ETFDH: variants seen among roughly 807,000 people sequenced by gnomAD.
ETFDH encodes electron transfer flavoprotein dehydrogenase, also known as electron transfer flavoprotein-ubiquinone oxidoreductase, mitochondrial.
In ETFDH, 61 loss-of-function variants were observed where a neutral mutation model predicts 73.2. The observed-to-expected ratio is 0.83, with a 90% CI of 0.68 to 1.03. ETFDH has a LOEUF of 1.03. Ranked by LOEUF, ETFDH falls within the 50% of genes least tolerant of loss-of-function variation. The pLI, the probability that ETFDH is intolerant of heterozygous loss-of-function variation, is 0.00. For synonymous variants in ETFDH, 243 were observed against 253.3 expected (o/e 0.96, Z 0.39); for missense variants, 685 against 745.0 (o/e 0.92, Z 0.94).
chr4:158,699,194 G>C (rs1333707606), intron 9 of ETFDH, 64 bp downstream of exon 9: 12 of 1,349,514 alleles, frequency 8.9e-6, no homozygotes, highest in African/African-American at 1.4e-5. Context: ...AACATATAAT[G>C]TAACAAATTT....
intron 11 of ETFDH, 43 bp from the exon 12 acceptor site, chr4:158,706,586 C>CA: frequency 6.6e-7 from 1 of 1,518,668 alleles, no homozygotes; most frequent in Non-Finnish European, 9.1e-7. Flanking sequence ...AAAAGTACTT[C>CA]AAAATCATAT....
rs1401542967 is a variant in ETFDH, at chr4:158,685,146, A to G, written c.533A>G (p.His178Arg). Residue 178 changes from histidine to arginine, a missense_variant, in exon 5 of 13, where the codon CAT becomes CGT. Transcript: ENST00000511912. ...GGCAATTACATTGTACGCTTGGGAC[A>G]TTTAGTGAGCTGGATGGGCGAACAA... ...NHGNYIVRLG[H>R]LVSWMGEQAE... 4 of 1,612,922 alleles carry G rather than the reference A, an allele frequency of 2.5e-6. No homozygotes were observed. Among genetic ancestry groups the G allele is most frequent in the Admixed American group, 3.3e-5 (2 of 60,008 alleles).
chr4:158,706,924 G>C (rs1774640096), intron 12 of ETFDH, 74 bp downstream of exon 12: 1 of 978,544 alleles, frequency 1.0e-6, no homozygotes, highest in African/African-American at 1.6e-5. Context: ...TTTAAAAAAT[G>C]ATTTCTGTAT....
At chr4:158,683,799 A>G (rs1160817046) in intron 3 of ETFDH, among the ~76,000 whole-genome samples, 1 of 152,118 alleles carries the variant, frequency 6.6e-6, no homozygotes, top group East Asian at 1.9e-4. Context: ...GCTCAAAACC[A>G]CTAGCTTCGG....
chr4:158,684,423 C>CA (rs1217144316), intron 3 of ETFDH, among the ~76,000 whole-genome samples, 169 bp from the exon 4 acceptor site: 1 of 150,838 alleles, frequency 6.6e-6, no homozygotes, highest in African/African-American at 2.4e-5. Flanking sequence ...CTGTACATCT[C>CA]AGACAGAGAA....
chr4:158,700,574 A>ACACACACACACACG (rs1262072945), intron 9 of ETFDH: 5 of 33,390 alleles, frequency 1.5e-4, no homozygotes, highest in Admixed American at 4.5e-4. Context: ...ACACACACGC[A>ACACACACACACACG]CACACACACA....
rs1486672284 is a variant in ETFDH at position 158,672,474 on chromosome 4, CA to C, written c.20del (p.Lys7SerfsTer13). On this transcript the variant is annotated frameshift_variant, in exon 1 of 13. Coordinates refer to ENST00000511912, the MANE Select transcript of ETFDH (RefSeq NM_004453.4). LOFTEE classifies it high-confidence loss of function. ...CTTTGAACATGCTGGTGCCGCTAGC[CA>C]AGCTGTCCTGCCTGGGTGAGAGGAA... is the stretch of plus-strand genomic sequence containing the variant. The part of the protein sequence containing the change: MLVPLA[K>X]LSCLAYQCFH... The C allele has an allele frequency of 1.2e-6, 2 of 1,614,158 alleles. No individual in the cohort carries two copies. The highest frequency in any genetic ancestry group is 1.3e-5 in the African/African-American group (1 of 75,050).
chr4:158,709,079 C>T lies in ETFDH; in HGVS notation c.*552C>T. On this transcript the variant is annotated 3_prime_UTR_variant, in exon 13 of 13. Coordinates refer to ENST00000511912, the MANE Select transcript of ETFDH (RefSeq NM_004453.4). ...TGTGTATTATCTATAAGTATGAAAA[C>T]CTAGCATCATCCACCATGGATACAT... 1 of 147,394 alleles carries T rather than the reference C, an allele frequency of 6.8e-6. No homozygotes were observed. Among genetic ancestry groups the T allele is most frequent in the South Asian group, 2.1e-4 (1 of 4,826 alleles). 9.1% of individuals were successfully genotyped at this position (147,394 alleles called of 1,614,324 possible).
chr4:158,690,377 A>G lies in ETFDH; in HGVS notation c.636A>G (p.Lys212=). 6.2e-7 allele frequency: 1 copy of G among 1,602,922 alleles called. No individual in the cohort carries two copies. Among genetic ancestry groups the G allele is most frequent in the Non-Finnish European group, 8.5e-7 (1 of 1,169,760 alleles). ...EVLFHDDGSV[K]GIATNDVGIQ... Reference sequence around the variant, plus strand: ...TTTTTCATGATGATGGTAGTGTAAAAGGAATTGCCACTAACGATGTAGGGA... The same window carrying G: ...TTTTTCATGATGATGGTAGTGTAAAGGGAATTGCCACTAACGATGTAGGGA... The change falls in exon 6 of 13, where the codon AAA becomes AAG. Residue 212 remains lysine, a synonymous_variant. Transcript: ENST00000511912.
chr4:158,706,476 ATAAATT>A (rs1278045764), intron 11 of ETFDH, 105 bp downstream of exon 11: 2 of 1,148,528 alleles, frequency 1.7e-6, no homozygotes, highest in East Asian at 2.4e-5. Flanking sequence ...TGGAGAAATT[ATAAATT>A]TAGTGTCTAA....
intron 5 of ETFDH, among the ~76,000 whole-genome samples, chr4:158,687,866 C>A (rs998369208): frequency 6.6e-6 from 1 of 151,542 alleles, no homozygotes; most frequent in African/African-American, 2.4e-5. Flanking sequence ...TGGTGAAACC[C>A]CGTCTCTACT....
chr4:158,706,913 T>G (rs1211582806), intron 12 of ETFDH, 63 bp downstream of exon 12: 4 of 1,116,540 alleles, frequency 3.6e-6, no homozygotes, highest in Admixed American at 1.7e-5. Flanking sequence ...GATTTTGTTC[T>G]TTTAAAAAAT....
At chr4:158,690,682 TAAA>T (rs1351597706) in intron 6 of ETFDH, among the ~76,000 whole-genome samples, 1 of 10,394 alleles carries the variant, frequency 9.6e-5, no homozygotes, top group African/African-American at 3.2e-4. Flanking sequence ...AACCCTGTCT[TAAA>T]AAAAAAGAAG....
intron 10 of ETFDH, among the ~76,000 whole-genome samples, chr4:158,705,831 A>G (rs1774594469): frequency 6.6e-6 from 1 of 152,260 alleles, no homozygotes; most frequent in Non-Finnish European, 1.5e-5. Context: ...CTGTGATCCC[A>G]GCACTTTGGG....
intron 1 of ETFDH, among the ~76,000 whole-genome samples, chr4:158,675,565 G>A (rs778408645): frequency 3.7e-4 from 57 of 152,124 alleles, no homozygotes; most frequent in Non-Finnish European, 7.1e-4. Flanking sequence ...CCAGGATTTC[G>A]AGATCAGCTT....
In ETFDH at chr4:158,682,346, A is replaced by C; in HGVS notation, c.327A>C (p.Ile109=). 1 of 1,614,192 alleles carries C rather than the reference A, an allele frequency of 6.2e-7. No individual in the cohort carries two copies. The highest frequency in any genetic ancestry group is 8.5e-7 in the Non-Finnish European group (1 of 1,180,030). The change falls in exon 3 of 13, where the codon ATA becomes ATC. Residue 109 remains isoleucine, a synonymous_variant. Coordinates refer to ENST00000511912, the MANE Select transcript of ETFDH (RefSeq NM_004453.4). ...RVCLVEKAAQ[I]GAHTLSGACL... Reference sequence around the variant, plus strand: ...GTCTAGTGGAGAAAGCTGCCCAGATAGGAGCTCATACTCTCTCAGGGGCTT... The same window carrying C: ...GTCTAGTGGAGAAAGCTGCCCAGATCGGAGCTCATACTCTCTCAGGGGCTT...
intron 1 of ETFDH, among the ~76,000 whole-genome samples, chr4:158,673,990 T>G (rs941734128): frequency 6.6e-6 from 1 of 152,130 alleles, no homozygotes; most frequent in African/African-American, 2.4e-5. Flanking sequence ...GGGTAAAGGT[T>G]GTGACTTTTT....
chr4:158,674,221 G>A (rs574488286), intron 1 of ETFDH, among the ~76,000 whole-genome samples: 5 of 152,100 alleles, frequency 3.3e-5, no homozygotes, highest in Non-Finnish European at 7.4e-5. Context: ...ATATCTTTAT[G>A]TATTTAATAT....
In ETFDH at chr4:158,685,171, A is replaced by G. The variant is rs143688210; in HGVS notation, c.558A>G (p.Gln186=). Residue 186 remains glutamine (Q), a synonymous_variant, in exon 5 of 13, where the codon CAA becomes CAG. Transcript: ENST00000511912. ...ATTTAGTGAGCTGGATGGGCGAACA[A>G]GCAGAAGCCCTTGGTGTTGAAGTAT... ...LGHLVSWMGE[Q]AEALGVEVYP... is the part of the protein sequence containing the mutation. The G allele has an allele frequency of 1.1e-5, 18 of 1,612,868 alleles. No homozygotes were observed. The highest frequency in any genetic ancestry group is 1.4e-5 in the Non-Finnish European group (17 of 1,179,084).
Sources: allele counts gnomAD v4.1 joint callset (sites outside exome capture counted in the v4.1 genomes callset), GRCh38; gene constraint gnomAD v4.1.1; transcripts MANE v1.5; gene names NCBI Gene and HGNC (gene_info 2026-07-23, HGNC 2026-07-21).